Variants in ANKRD54 observed in about 807,000 individuals in gnomAD.
ANKRD54 encodes ankyrin repeat domain-containing protein 54.
In ANKRD54, 26 loss-of-function variants were observed where a neutral mutation model predicts 36.2. The ratio of observed to expected loss-of-function variants is 0.72; its 90% CI spans 0.53 to 1.00. The LOEUF (loss-of-function observed/expected upper bound fraction) is 1.00. Among genes scored for constraint, ANKRD54 ranks in the 50% least tolerant of loss-of-function variants. The pLI is 0.00. For missense variants in ANKRD54, 384 were observed against 424.3 expected (o/e 0.91, Z 0.83); for synonymous variants, 209 against 188.4 (o/e 1.11, Z -0.89).
In ANKRD54 at chr22:37,832,646, G is replaced by A; in HGVS notation, c.819C>T (p.Thr273=). Residue 273 remains threonine (T), a synonymous_variant, in exon 7 of 8, where the codon ACC becomes ACT. Coordinates refer to ENST00000215941, the MANE Select transcript of ANKRD54 (RefSeq NM_138797.4). ...TGTGGCTGCAGCTCACCTGCTCTTTGGTACTGGTCATCTGCAGGCGGGTGC... is the reference window on the plus strand; with the variant it reads ...TGTGGCTGCAGCTCACCTGCTCTTTAGTACTGGTCATCTGCAGGCGGGTGC... ...DLCTRLQMTS[T]KEQVDEVTDL... 6.2e-7 allele frequency: 1 copy of A among 1,614,006 alleles called. No individual in the cohort carries two copies. The highest frequency in any genetic ancestry group is 8.5e-7 in the Non-Finnish European group (1 of 1,179,990).
At chr22:37,838,413 G>A in intron 3 of ANKRD54, 87 bp downstream of exon 3, 2 of 1,312,666 alleles carry the variant, frequency 1.5e-6, no homozygotes, top group Admixed American at 2.1e-5. Flanking sequence ...GCATCCCAAG[G>A]CTGTGCAGAC....
intron 1 of ANKRD54, among the ~76,000 whole-genome samples, chr22:37,841,743 G>A (rs1391080319): frequency 1.3e-5 from 2 of 151,674 alleles, no homozygotes; most frequent in African/African-American, 2.4e-5. Context: ...AACTACTCAG[G>A]AGGCTAAGGC....
intron 1 of ANKRD54, 36 bp downstream of exon 1, chr22:37,843,875 C>T: frequency 8.4e-7 from 1 of 1,196,404 alleles, no homozygotes; most frequent in Non-Finnish European, 1.0e-6. Flanking sequence ...CCCGGGCTGC[C>T]CCGCCCCGGG....
Position 37,843,979 on chromosome 22 carries a change from G to C in ANKRD54, c.260C>G (p.Pro87Arg). ...GGCAGCGCGCCTCAGCCGGCCAGCG[G>C]GTATCTTGCAGCGCAGCTCGTCGCG... is the stretch of plus-strand genomic sequence containing the variant. ...EPRDELRCKI[P>R]AGRLRRAARP... The change falls in exon 1 of 8, where the codon CCC becomes CGC. Residue 87 changes from proline to arginine, a missense_variant. Coordinates refer to ENST00000215941, the MANE Select transcript of ANKRD54 (RefSeq NM_138797.4). The C allele has an allele frequency of 7.1e-7, 1 of 1,418,390 alleles. No individual in the cohort carries two copies. The highest frequency in any genetic ancestry group is 1.5e-5 in the South Asian group (1 of 68,474). The allele number at this position is 1,418,390 out of a possible 1,614,324, so 87.9% of individuals were successfully genotyped here.
chr22:37,838,959 G>GC (rs1000372282), intron 2 of ANKRD54, among the ~76,000 whole-genome samples: 1 of 152,164 alleles, frequency 6.6e-6, no homozygotes, highest in Non-Finnish European at 1.5e-5. Flanking sequence ...GGAAACAGCT[G>GC]CCCAAGCTAT....
rs547767018 is a variant in ANKRD54, at chr22:37,838,273, C to T, written c.475+227G>A. ...CTCTTAGTTGGAGATATCCCTTCAT[C>T]CTCAGTCAATCATATTATCTCCCCC... On this transcript the variant is annotated intron_variant, in intron 3 of 7. Transcript: ENST00000215941. Among the ~76,000 whole-genome samples, 4 of 152,284 alleles carry T rather than the reference C, an allele frequency of 2.6e-5. No individual in the cohort carries two copies. The South Asian group carries it at 8.3e-4, about 32-fold the overall frequency.
Position 37,844,282 on chromosome 22 carries a change from G to T in ANKRD54, c.-44C>A, listed in dbSNP as rs182859563. On this transcript the variant is annotated 5_prime_UTR_variant, in exon 1 of 8. Transcript: ENST00000215941. Reference sequence around the variant, plus strand: ...GCCTGGCCGCCTGAGCCTCGTTCCCGACCGACCAACGGACCTACTTCCCTC... The same window carrying T: ...GCCTGGCCGCCTGAGCCTCGTTCCCTACCGACCAACGGACCTACTTCCCTC... 6.2e-3 allele frequency: 9,542 copies of T among 1,536,904 alleles called. 35 individuals carry two copies. The highest frequency in any genetic ancestry group is 6.8e-3 in the Middle Eastern group (40 of 5,880).
At chr22:37,844,782 A>G (rs779548232), upstream of ANKRD54, among the ~76,000 whole-genome samples, 3 of 151,840 alleles carry the variant, frequency 2.0e-5, no homozygotes, top group Non-Finnish European at 2.9e-5. Flanking sequence ...GTTGGCCAGG[A>G]TGGTCTCGAT....
chr22:37,834,768 A>T (rs1218050017), intron 3 of ANKRD54: 2 of 150,782 alleles, frequency 1.3e-5, no homozygotes, highest in East Asian at 3.9e-4. Context: ...ATTCATTAAA[A>T]TTAAGAACAT....
chr22:37,848,403 CTTTTTTT>C (rs908579358), upstream of ANKRD54: 1 of 142,080 alleles, frequency 7.0e-6, no homozygotes, highest in African/African-American at 2.6e-5. Context: ...TTTTTTTTTT[CTTTTTTT>C]TTTTAGACGG....
intron 5 of ANKRD54, 35 bp downstream of exon 5, chr22:37,833,124 G>A (rs1034438423): frequency 1.2e-6 from 2 of 1,614,008 alleles, no homozygotes; most frequent in African/African-American, 1.3e-5. Flanking sequence ...GGGTGAGGGG[G>A]AGAAAGAGGA....
chr22:37,833,129 A>C (rs754947629), intron 5 of ANKRD54, 30 bp downstream of exon 5: 1 of 1,613,858 alleles, frequency 6.2e-7, no homozygotes, highest in Non-Finnish European at 8.5e-7. Flanking sequence ...AGGGGGAGAA[A>C]GAGGACAGAG....
At chr22:37,835,723 T>C (rs1245438049) in intron 3 of ANKRD54, among the ~76,000 whole-genome samples, 1 of 152,174 alleles carries the variant, frequency 6.6e-6, no homozygotes, top group African/African-American at 2.4e-5. Flanking sequence ...GGAGGATTGC[T>C]TGAGCCTAGG....
upstream of ANKRD54, chr22:37,848,259 T>G (rs1454686304): frequency 1.3e-5 from 2 of 152,250 alleles, no homozygotes; most frequent in Non-Finnish European, 2.9e-5. Context: ...TCGAACCCGG[T>G]GTACTCAAGA....
At chr22:37,836,904 C>G (rs540611078) in intron 3 of ANKRD54, among the ~76,000 whole-genome samples, 1 of 151,754 alleles carries the variant, frequency 6.6e-6, no homozygotes. Context: ...TGATGCGTGC[C>G]TATAATCCCA....
chr22:37,846,879 AGTCTCG>A (rs1437955943), upstream of ANKRD54, among the ~76,000 whole-genome samples: 1 of 90,452 alleles, frequency 1.1e-5, no homozygotes. Flanking sequence ...TTTGAGACGG[AGTCTCG>A]CTCTGTCGCC....
chr22:37,831,821 TGA>T lies in ANKRD54; in HGVS notation c.*120_*121del. On this transcript the variant is annotated 3_prime_UTR_variant, in exon 8 of 8. Coordinates refer to ENST00000215941, the MANE Select transcript of ANKRD54 (RefSeq NM_138797.4). ...ATCTCTGCCCCACGGCATCTGCGGG[TGA>T]GGGCAAGGTCCTCACCAGACAAGTG... 1 of 998,164 alleles carries T rather than the reference TGA, an allele frequency of 1.0e-6. No homozygotes were observed. The highest frequency in any genetic ancestry group is 1.5e-6 in the Non-Finnish European group (1 of 683,280). The allele number at this position is 998,164 out of a possible 1,614,324, so 61.8% of individuals were successfully genotyped here.
chr22:37,849,338 A>T, upstream of ANKRD54: 1 of 1,408,012 alleles, frequency 7.1e-7, no homozygotes. Flanking sequence ...GAGGCCTCGG[A>T]AAGGCTTCCG....
intron 1 of ANKRD54, among the ~76,000 whole-genome samples, chr22:37,841,117 C>T (rs573633773): frequency 4.7e-5 from 7 of 149,288 alleles, no homozygotes; most frequent in African/African-American, 1.5e-4. Flanking sequence ...AATGGCTGGG[C>T]GCAGTGGCTC....
Sources: gnomAD v4.1 joint callset for allele counts (sites outside exome capture counted in the v4.1 genomes callset) on GRCh38, gnomAD v4.1.1 for gene constraint, MANE v1.5 for transcripts, NCBI Gene and HGNC (gene_info 2026-07-23, HGNC 2026-07-21) for gene names.